Variants in PDZD2 observed in about 807,000 individuals in gnomAD.
PDZD2 encodes PDZ domain-containing protein 2.
Under a neutral mutation model 220.7 loss-of-function variants are expected in PDZD2, and 90 were observed. The ratio of observed to expected loss-of-function variants is 0.41; its 90% CI spans 0.34 to 0.49. PDZD2 has a LOEUF of 0.49. Among genes scored for constraint, PDZD2 ranks in the 20% least tolerant of loss-of-function variants. The pLI is 0.28. For synonymous variants in PDZD2, 1,375 were observed against 1,450.5 expected (o/e 0.95, Z 1.18); for missense variants, 3,174 against 3,608.5 (o/e 0.88, Z 3.08).
intron 7 of PDZD2, among the ~76,000 whole-genome samples, chr5:32,046,472 A>G (rs1737975411): frequency 6.6e-6 from 1 of 152,104 alleles, no homozygotes; most frequent in Non-Finnish European, 1.5e-5. Context: ...CGAATTCCTG[A>G]GCTCAGGCGA....
chr5:31,700,236 T>A (rs1747557094), intron 1 of PDZD2, among the ~76,000 whole-genome samples: 1 of 151,902 alleles, frequency 6.6e-6, no homozygotes, highest in South Asian at 2.1e-4. Flanking sequence ...AAAGCCAAGA[T>A]GATAATGCCT....
At chr5:31,702,506 C>T (rs1325653827) in intron 1 of PDZD2, among the ~76,000 whole-genome samples, 3 of 152,200 alleles carry the variant, frequency 2.0e-5, no homozygotes, top group Non-Finnish European at 4.4e-5. Flanking sequence ...GGGCAGAAGT[C>T]GGCCTTCCAG....
Position 31,830,343 on chromosome 5 carries a change from T to TTTTA in PDZD2, c.476+30622_476+30623insATTT, listed in dbSNP as rs1554080610. Among the ~76,000 whole-genome samples the TTTTA allele has an allele frequency of 8.8e-5, 13 of 147,122 alleles. 1 individual carries two copies. The highest frequency in any genetic ancestry group is 6.5e-4 in the South Asian group (3 of 4,638). ...ACCACGCCCAGCTAATTTTTTTTTT[T>TTTTA]TTTTTTGTATTTTTAGTAGAGACGG... On this transcript the variant is annotated intron_variant, in intron 2 of 24. Transcript: ENST00000438447.
chr5:31,719,400 C>T (rs1452940427), intron 1 of PDZD2, among the ~76,000 whole-genome samples: 1 of 152,192 alleles, frequency 6.6e-6, no homozygotes, highest in Admixed American at 6.5e-5. Flanking sequence ...TGCTATAATA[C>T]TTGCTTACTT....
chr5:31,674,024 T>C (rs1246170983), intron 1 of PDZD2, among the ~76,000 whole-genome samples: 2 of 152,160 alleles, frequency 1.3e-5, no homozygotes, highest in African/African-American at 2.4e-5. Flanking sequence ...CTCTTCACCA[T>C]TGAGGTCATA....
intron 1 of PDZD2, among the ~76,000 whole-genome samples, chr5:31,720,064 A>C (rs769865526): frequency 5.3e-5 from 8 of 152,232 alleles, no homozygotes; most frequent in Non-Finnish European, 8.8e-5. Context: ...TGCTGAGTAC[A>C]AGACACTACT....
At chr5:32,041,602 G>C (rs182937922) in intron 7 of PDZD2, among the ~76,000 whole-genome samples, 1 of 152,174 alleles carries the variant, frequency 6.6e-6, no homozygotes, top group Non-Finnish European at 1.5e-5. Flanking sequence ...ATTAAGGGCG[G>C]TGCAAGATGT....
intron 1 of PDZD2, among the ~76,000 whole-genome samples, chr5:31,686,466 C>T (rs11957110): frequency 0.026 from 3,932 of 152,008 alleles, 88 homozygotes; most frequent in South Asian, 0.074. Flanking sequence ...CAGGTTCAAG[C>T]GATTCTCCTG....
At chr5:32,046,204 T>C (rs1437063367) in intron 7 of PDZD2, among the ~76,000 whole-genome samples, 1 of 152,184 alleles carries the variant, frequency 6.6e-6, no homozygotes, top group Non-Finnish European at 1.5e-5. Flanking sequence ...AGACTAGGTA[T>C]TGATAAAGTC....
chr5:31,649,992 T>C (rs1466980086), intron 1 of PDZD2, among the ~76,000 whole-genome samples: 4 of 110,518 alleles, frequency 3.6e-5, no homozygotes, highest in African/African-American at 6.5e-5. Flanking sequence ...TCGGAAAAAA[T>C]CTTGAGCCTC....
At chr5:32,072,042 G>A in intron 16 of PDZD2, 119 bp from the exon 17 acceptor site, 1 of 694,410 alleles carries the variant, frequency 1.4e-6, no homozygotes, top group South Asian at 2.0e-5. Flanking sequence ...TACTATCACA[G>A]CTATTTCAAG....
intron 1 of PDZD2, among the ~76,000 whole-genome samples, chr5:31,795,569 G>A (rs569015035): frequency 1.1e-4 from 16 of 152,326 alleles, no homozygotes; most frequent in Middle Eastern, 3.4e-3. Flanking sequence ...AGGATGGGAA[G>A]CTTGTAGGCC....
intron 2 of PDZD2, among the ~76,000 whole-genome samples, chr5:31,813,491 C>T (rs1478543188): frequency 6.9e-6 from 1 of 145,754 alleles, no homozygotes; most frequent in Non-Finnish European, 1.5e-5. Flanking sequence ...ATATTCACAA[C>T]GTGAATACAA....
intron 1 of PDZD2, among the ~76,000 whole-genome samples, chr5:31,711,278 T>C (rs767153547): frequency 6.6e-6 from 1 of 152,174 alleles, no homozygotes; most frequent in South Asian, 2.1e-4. Flanking sequence ...GGGCAGAGGG[T>C]CCATGTGCAC....
intron 12 of PDZD2, among the ~76,000 whole-genome samples, chr5:32,058,555 T>C (rs930836423): frequency 1.3e-5 from 2 of 150,840 alleles, no homozygotes; most frequent in Non-Finnish European, 2.9e-5. Flanking sequence ...GCGCCTGTAA[T>C]CCCAGCTACT....
chr5:32,061,748 A>AT (rs1163667515), intron 14 of PDZD2, among the ~76,000 whole-genome samples: 5 of 152,048 alleles, frequency 3.3e-5, no homozygotes, highest in African/African-American at 4.8e-5. Flanking sequence ...CTTCATCTTT[A>AT]TTTTTTTTAA....
rs77492439 is a variant in PDZD2, at chr5:32,050,916, C to T, written c.1666-1695C>T. On this transcript the variant is annotated intron_variant, in intron 8 of 24. Transcript: ENST00000438447. The stretch of plus-strand genomic sequence containing the variant: ...TGATGGAGATGTTTTTTATTTGTAT[C>T]GTCCAATATGGTAGCCGTATATGTC... Among the ~76,000 whole-genome samples the T allele has an allele frequency of 8.4e-3, 1,273 of 152,226 alleles. 18 individuals carry two copies. Among genetic ancestry groups the T allele is most frequent in the African/African-American group, 0.029 (1,190 of 41,528 alleles).
At chr5:32,103,518 ACAAT>A (rs1204477957) in intron 24 of PDZD2, 10 of 152,242 alleles carry the variant, frequency 6.6e-5, no homozygotes, top group African/African-American at 1.4e-4. Context: ...ACTGCATACA[ACAAT>A]CAGAGTGGCG....
chr5:31,641,631 A>G (rs1744952503), intron 1 of PDZD2, among the ~76,000 whole-genome samples: 1 of 151,980 alleles, frequency 6.6e-6, no homozygotes, highest in Admixed American at 6.6e-5. Context: ...CTGGGATCAC[A>G]GGTGTGTGTT....
Sources: allele counts gnomAD v4.1 joint callset (sites outside exome capture counted in the v4.1 genomes callset), GRCh38; gene constraint gnomAD v4.1.1; transcripts MANE v1.5; gene names NCBI Gene and HGNC (gene_info 2026-07-23, HGNC 2026-07-21).